Variants in C12orf50 observed in about 807,000 individuals in gnomAD.
C12orf50 encodes uncharacterized protein C12orf50.
In C12orf50, 35 loss-of-function variants were observed where a neutral mutation model predicts 61.6. That is an observed-to-expected ratio of 0.57 (90% CI 0.43 to 0.75). The LOEUF is 0.75. Among genes scored for constraint, C12orf50 ranks in the 30% least tolerant of loss-of-function variants. The probability of loss-of-function intolerance (pLI) is 0.00; values close to 1 mark genes in which losing one functional copy is unlikely to be tolerated. For missense variants in C12orf50, 475 were observed against 488.5 expected (o/e 0.97, Z 0.26); for synonymous variants, 178 against 161.5 (o/e 1.10, Z -0.77).
chr12:88,004,766 C>T (rs1031789498), intron 3 of C12orf50, among the ~76,000 whole-genome samples: 4 of 152,136 alleles, frequency 2.6e-5, no homozygotes, highest in Admixed American at 2.0e-4. Context: ...TTATCCTAAG[C>T]GAACTGACAC....
At chr12:87,998,380 C>T (rs922415127) in intron 3 of C12orf50, among the ~76,000 whole-genome samples, 190 bp from the exon 4 acceptor site, 1 of 152,014 alleles carries the variant, frequency 6.6e-6, no homozygotes, top group African/African-American at 2.4e-5. Context: ...AATAATCCCA[C>T]TTACAATAGC....
intron 11 of C12orf50, chr12:87,985,181 C>G (rs1406583520): frequency 6.6e-6 from 1 of 151,912 alleles, no homozygotes; most frequent in African/African-American, 2.4e-5. Context: ...TAGAAAAATA[C>G]AAACATGAAA....
At position 88,026,494 on chromosome 12, in the gene C12orf50, T is replaced by A. The variant is rs555695347; in HGVS notation, c.127A>T (p.Ser43Cys). 1 of 1,613,788 alleles carries A rather than the reference T, an allele frequency of 6.2e-7. No homozygotes were observed. Among genetic ancestry groups the A allele is most frequent in the South Asian group, 1.1e-5 (1 of 91,024 alleles). Residue 43 changes from serine to cysteine, a missense_variant, in exon 3 of 13, where the codon AGT (serine) becomes TGT (cysteine). Transcript: ENST00000298699. ...RNINGLFLPP[S>C]SNITLQKEIQ... The stretch of plus-strand genomic sequence containing the variant: ...ATTCAAAAAATGTACTCACTGCTAC[T>A]TGGTGGCAAAAATAATCCATTGATA...
chr12:88,010,430 TAATCTTATAATAA>T (rs2032058638), intron 3 of C12orf50, among the ~76,000 whole-genome samples: 1 of 123,980 alleles, frequency 8.1e-6, no homozygotes, highest in African/African-American at 4.7e-5. Context: ...AAAATTATTA[TAATCTTATAATAA>T]GATTATAAGA....
Position 87,986,797 on chromosome 12 carries a change from G to A in C12orf50, c.818-381C>T, listed in dbSNP as rs1009737458. Among the ~76,000 whole-genome samples the A allele has an allele frequency of 2.0e-5, 3 of 151,842 alleles. No individual in the cohort carries two copies. The South Asian group carries it at 6.2e-4, about 31-fold the overall frequency. ...AACATGAATTTTTTGTACTTTTTTAGCCAAAACTACTACTTCTTAAGAAGT... is the reference window on the plus strand; with the variant it reads ...AACATGAATTTTTTGTACTTTTTTAACCAAAACTACTACTTCTTAAGAAGT... On this transcript the variant is annotated intron_variant, in intron 9 of 12. Transcript: ENST00000298699.
intron 3 of C12orf50, among the ~76,000 whole-genome samples, chr12:87,998,592 C>A (rs556179634): frequency 1.3e-5 from 2 of 152,002 alleles, no homozygotes; most frequent in Non-Finnish European, 2.9e-5. Flanking sequence ...TTTGGTATGG[C>A]AATATTTTCC....
intron 7 of C12orf50, among the ~76,000 whole-genome samples, chr12:87,992,210 A>G (rs1401256625): frequency 6.6e-6 from 1 of 152,110 alleles, no homozygotes; most frequent in Non-Finnish European, 1.5e-5. Flanking sequence ...AAAACAGAAT[A>G]TACCAGGATG....
At chr12:87,989,548 A>G (rs1472744879) in intron 7 of C12orf50, among the ~76,000 whole-genome samples, 177 bp from the exon 8 acceptor site, 2 of 152,114 alleles carry the variant, frequency 1.3e-5, no homozygotes, top group Non-Finnish European at 2.9e-5. Context: ...GAGTATTAAT[A>G]TATATGTATA....
chr12:88,030,161 G>T, upstream of C12orf50: 1 of 183,588 alleles, frequency 5.4e-6, no homozygotes, highest in Non-Finnish European at 1.1e-5. Flanking sequence ...AAGAAAAAGA[G>T]GTTTAATTGG....
chr12:88,007,084 T>C (rs1249522405), intron 3 of C12orf50, among the ~76,000 whole-genome samples: 2 of 152,238 alleles, frequency 1.3e-5, no homozygotes. Flanking sequence ...ATGGAATTCT[T>C]CGCAACATCA....
intron 7 of C12orf50, among the ~76,000 whole-genome samples, chr12:87,992,229 C>G (rs2031158471): frequency 6.6e-6 from 1 of 152,110 alleles, no homozygotes; most frequent in African/African-American, 2.4e-5. Context: ...TGAGTAATTT[C>G]TACGATTTAA....
chr12:88,009,025 CTTTA>C (rs547317410), intron 3 of C12orf50, among the ~76,000 whole-genome samples: 11 of 152,096 alleles, frequency 7.2e-5, no homozygotes, highest in Non-Finnish European at 1.3e-4. Flanking sequence ...ATGTACCACA[CTTTA>C]TTTATGCATT....
chr12:88,015,938 A>G (rs2032295500), intron 3 of C12orf50, among the ~76,000 whole-genome samples: 1 of 152,162 alleles, frequency 6.6e-6, no homozygotes, highest in Non-Finnish European at 1.5e-5. Flanking sequence ...CTAGACAAAA[A>G]AATGTAGGAC....
At chr12:88,019,109 C>T (rs2032419884) in intron 3 of C12orf50, among the ~76,000 whole-genome samples, 1 of 152,100 alleles carries the variant, frequency 6.6e-6, no homozygotes, top group Admixed American at 6.5e-5. Flanking sequence ...TGGCTCTTTC[C>T]CCACCCAAAT....
At chr12:87,994,556 A>C in intron 7 of C12orf50, 77 bp downstream of exon 7, 1 of 1,086,996 alleles carries the variant, frequency 9.2e-7, no homozygotes, top group African/African-American at 1.6e-5. Context: ...AAAGAAAATT[A>C]GTTGTAAAAG....
At chr12:87,992,421 A>G (rs2031168625) in intron 7 of C12orf50, among the ~76,000 whole-genome samples, 1 of 152,104 alleles carries the variant, frequency 6.6e-6, no homozygotes, top group Non-Finnish European at 1.5e-5. Context: ...TATACTATAT[A>G]CATAGAGAGA....
chr12:88,012,461 T>C (rs1266921444), intron 3 of C12orf50, among the ~76,000 whole-genome samples: 6 of 152,208 alleles, frequency 3.9e-5, no homozygotes, highest in African/African-American at 1.4e-4. Flanking sequence ...GGCACTGTTC[T>C]TCTCTTGTCC....
At chr12:87,998,889 G>A (rs1352056927) in intron 3 of C12orf50, among the ~76,000 whole-genome samples, 5 of 152,138 alleles carry the variant, frequency 3.3e-5, no homozygotes, top group Non-Finnish European at 1.5e-5. Context: ...AAATGTTGCC[G>A]GGACGACTAG....
rs146964348 is a variant in C12orf50 at position 87,996,485 on chromosome 12, C to T, written c.370G>A (p.Glu124Lys). The change falls in exon 6 of 13, where the codon GAA (glutamate) becomes AAA (lysine). Residue 124 changes from glutamate to lysine, a missense_variant and splice_region_variant. By Grantham distance (56) the Glu-to-Lys change is moderately conservative. Transcript: ENST00000298699. ...AIKEMCYKSG[E>K]YYRFHTPPDI... ...GGAGGAGTATGAAATCTGTAGTATT[C>T]CCCTAATCAACCATAAGAAAAGTAA... is the stretch of plus-strand genomic sequence containing the variant. 1.1e-3 allele frequency: 1,801 copies of T among 1,607,100 alleles called. 11 individuals carry two copies. Among genetic ancestry groups the T allele is most frequent in the South Asian group, 1.5e-3 (135 of 90,894 alleles).
Sources: gnomAD v4.1 joint callset for allele counts (sites outside exome capture counted in the v4.1 genomes callset) on GRCh38, gnomAD v4.1.1 for gene constraint, MANE v1.5 for transcripts, NCBI Gene and HGNC (gene_info 2026-07-23, HGNC 2026-07-21) for gene names.